SLC25A26: variants seen among roughly 807,000 people sequenced by gnomAD.
The protein encoded by SLC25A26 is solute carrier family 25 member 26, also known as mitochondrial S-adenosylmethionine carrier protein.
SLC25A26 carries 36 observed loss-of-function variants against 37.8 expected under a neutral mutation model. The observed-to-expected ratio is 0.95, with a 90% CI of 0.73 to 1.26. The LOEUF is 1.26. Among genes scored for constraint, SLC25A26 ranks in the 50% most tolerant of loss-of-function variants. SLC25A26 has a pLI of 0.00. For missense variants in SLC25A26, 390 were observed against 331.1 expected (o/e 1.18, Z -1.38); for synonymous variants, 129 against 122.5 (o/e 1.05, Z -0.35).
At chr3:66,297,785 A>G (rs755591408) in intron 5 of SLC25A26, among the ~76,000 whole-genome samples, 1 of 152,198 alleles carries the variant, frequency 6.6e-6, no homozygotes, top group Non-Finnish European at 1.5e-5. Flanking sequence ...AGCCTAAGCT[A>G]TTTATTATCT....
chr3:66,209,090 GTATATATATA>G (rs1212142217), intron 1 of SLC25A26, among the ~76,000 whole-genome samples: 4 of 46,358 alleles, frequency 8.6e-5, no homozygotes, highest in Non-Finnish European at 1.3e-4. Flanking sequence ...ATATAAAGAT[GTATATATATA>G]TATATATATA....
At chr3:66,263,745 G>A (rs901592934) in intron 5 of SLC25A26, among the ~76,000 whole-genome samples, 44 of 151,926 alleles carry the variant, frequency 2.9e-4, no homozygotes, top group Non-Finnish European at 5.4e-4. Flanking sequence ...TGCAACCTCC[G>A]CCTCCCAGGT....
At chr3:66,228,775 TA>T (rs2071876710) in intron 1 of SLC25A26, among the ~76,000 whole-genome samples, 1 of 152,236 alleles carries the variant, frequency 6.6e-6, no homozygotes. Context: ...TATTCTACTT[TA>T]AAAAATTAAC....
intron 1 of SLC25A26, among the ~76,000 whole-genome samples, chr3:66,179,445 A>G (rs1358306733): frequency 6.6e-6 from 1 of 152,226 alleles, no homozygotes; most frequent in African/African-American, 2.4e-5. Flanking sequence ...AAGGCAATGT[A>G]AGTCCAGCTA....
chr3:66,281,104 G>A (rs753785246), intron 5 of SLC25A26, among the ~76,000 whole-genome samples: 13 of 152,130 alleles, frequency 8.5e-5, no homozygotes, highest in African/African-American at 9.7e-5. Context: ...TGTAGAGTCC[G>A]AGATATTTAT....
intron 5 of SLC25A26, among the ~76,000 whole-genome samples, chr3:66,272,484 A>T (rs1170056374): frequency 2.6e-5 from 4 of 152,182 alleles, no homozygotes; most frequent in Non-Finnish European, 4.4e-5. Flanking sequence ...ATTAGAGGAA[A>T]TAAGCAAGTG....
chr3:66,236,382 T>C (rs2072285944), intron 1 of SLC25A26, 162 bp from the exon 2 acceptor site: 1 of 172,226 alleles, frequency 5.8e-6, no homozygotes, highest in Admixed American at 6.5e-5. Flanking sequence ...GGAAAACTTG[T>C]AGATTTAGGC....
chr3:66,243,702 G>T (rs186390741), intron 3 of SLC25A26, among the ~76,000 whole-genome samples: 1 of 152,316 alleles, frequency 6.6e-6, no homozygotes, highest in East Asian at 1.9e-4. Flanking sequence ...AGCCACAAGA[G>T]AAATTTGCAT....
intron 1 of SLC25A26, among the ~76,000 whole-genome samples, chr3:66,138,026 G>A (rs1452700092): frequency 6.6e-6 from 1 of 151,632 alleles, no homozygotes; most frequent in African/African-American, 2.4e-5. Context: ...TAGAGACGGG[G>A]TTTCACTATG....
At chr3:66,196,083 A>G (rs1234379958) in intron 1 of SLC25A26, among the ~76,000 whole-genome samples, 2 of 152,194 alleles carry the variant, frequency 1.3e-5, no homozygotes, top group Admixed American at 6.5e-5. Context: ...TTATCTCTGC[A>G]ATCTTTATAC....
At chr3:66,347,664 T>C (rs967412629) in intron 6 of SLC25A26, among the ~76,000 whole-genome samples, 1 of 152,184 alleles carries the variant, frequency 6.6e-6, no homozygotes, top group African/African-American at 2.4e-5. Context: ...GTTATAAAGA[T>C]ACATACATAC....
At chr3:66,204,838 A>G (rs1247605275) in intron 1 of SLC25A26, among the ~76,000 whole-genome samples, 9 of 152,304 alleles carry the variant, frequency 5.9e-5, no homozygotes, top group African/African-American at 2.2e-4. Context: ...CATGTTTGCC[A>G]TGAATGTTAA....
intron 5 of SLC25A26, among the ~76,000 whole-genome samples, chr3:66,293,683 C>T (rs1445239284): frequency 1.3e-5 from 2 of 152,098 alleles, no homozygotes; most frequent in African/African-American, 4.8e-5. Flanking sequence ...GGATAATGGC[C>T]TCTAGCATCA....
intron 7 of SLC25A26, 44 bp from the exon 8 acceptor site, chr3:66,369,434 C>G: frequency 6.5e-7 from 1 of 1,531,360 alleles, no homozygotes; most frequent in Non-Finnish European, 8.9e-7. Flanking sequence ...CAAAATTATA[C>G]AGTAAACAGG....
chr3:66,263,383 A>C lies in SLC25A26; in HGVS notation c.453+4A>C. 1 of 1,597,600 alleles carries C rather than the reference A, an allele frequency of 6.3e-7. No homozygotes were observed. Among genetic ancestry groups the C allele is most frequent in the Non-Finnish European group, 8.6e-7 (1 of 1,166,316 alleles). On this transcript the variant is annotated splice_donor_region_variant and intron_variant, in intron 5 of 9. Transcript: ENST00000354883. ...TAAAAGCACAGTTTTAAGAGAGGTA[A>C]GTCACTTACTTTCCAATATTGAAGT... is the stretch of plus-strand genomic sequence containing the variant.
intron 5 of SLC25A26, among the ~76,000 whole-genome samples, chr3:66,271,730 C>T (rs567289201): frequency 6.6e-6 from 1 of 152,238 alleles, no homozygotes; most frequent in South Asian, 2.1e-4. Flanking sequence ...AAAGTTTCAT[C>T]TCTTCAGAAA....
intron 1 of SLC25A26, among the ~76,000 whole-genome samples, chr3:66,169,515 C>T (rs1320435607): frequency 1.3e-5 from 2 of 152,198 alleles, no homozygotes; most frequent in Admixed American, 6.5e-5. Flanking sequence ...CTAAAATAGC[C>T]ACCAGCCATT....
At chr3:66,356,142 A>G (rs1309249193) in intron 6 of SLC25A26, 1 of 452,132 alleles carries the variant, frequency 2.2e-6, no homozygotes, top group Non-Finnish European at 4.4e-6. Context: ...TTCATAAGAC[A>G]GTAGTGCTTA....
At chr3:66,347,892 G>T (rs915665360) in intron 6 of SLC25A26, among the ~76,000 whole-genome samples, 7 of 152,182 alleles carry the variant, frequency 4.6e-5, no homozygotes, top group Admixed American at 2.0e-4. Flanking sequence ...AGCAAACACT[G>T]CATGTTCTCA....
Sources: gnomAD v4.1 joint callset for allele counts (sites outside exome capture counted in the v4.1 genomes callset) on GRCh38, gnomAD v4.1.1 for gene constraint, MANE v1.5 for transcripts, NCBI Gene and HGNC (gene_info 2026-07-23, HGNC 2026-07-21) for gene names.